Variants in PLA2G4E observed in about 807,000 individuals in gnomAD.
PLA2G4E encodes the protein cytosolic phospholipase A2 epsilon.
A neutral mutation model predicts 109.1 loss-of-function variants in PLA2G4E; 84 were observed. That is an observed-to-expected ratio of 0.77 (90% confidence interval 0.65 to 0.92). PLA2G4E has a LOEUF of 0.92. Ranked by LOEUF, PLA2G4E falls within the 40% of genes least tolerant of loss-of-function variation. The pLI is 0.00. For synonymous variants in PLA2G4E, 469 were observed against 436.1 expected (o/e 1.08, Z -0.94); for missense variants, 1,057 against 1,076.6 (o/e 0.98, Z 0.25).
intron 1 of PLA2G4E, among the ~76,000 whole-genome samples, chr15:42,024,229 C>T (rs575595311): frequency 2.0e-5 from 3 of 152,174 alleles, no homozygotes; most frequent in Non-Finnish European, 2.9e-5. Flanking sequence ...CGCCAGGGTG[C>T]GGGTGCCAAA....
intron 1 of PLA2G4E, among the ~76,000 whole-genome samples, chr15:42,020,468 C>A (rs2068637439): frequency 6.6e-6 from 1 of 152,218 alleles, no homozygotes. Context: ...ACTGTAAACC[C>A]AGGTGGGCAG....
intron 1 of PLA2G4E, among the ~76,000 whole-genome samples, chr15:42,048,950 C>G (rs1033587524): frequency 5.3e-5 from 8 of 152,226 alleles, no homozygotes; most frequent in African/African-American, 1.9e-4. Flanking sequence ...GCTGAAGATG[C>G]CAGGGCAGGC....
intron 16 of PLA2G4E, 144 bp from the exon 17 acceptor site, chr15:41,987,519 C>CTAACCCCAG: frequency 1.4e-6 from 1 of 722,714 alleles, no homozygotes; most frequent in Non-Finnish European, 2.3e-6. Context: ...TCTCAAGGTC[C>CTAACCCCAG]TGGCACTGGG....
intron 1 of PLA2G4E, among the ~76,000 whole-genome samples, chr15:42,041,469 A>G (rs1333359302): frequency 6.6e-6 from 1 of 152,188 alleles, no homozygotes; most frequent in Non-Finnish European, 1.5e-5. Flanking sequence ...ATAAATTTAC[A>G]TAGGAGCAGA....
intron 1 of PLA2G4E, among the ~76,000 whole-genome samples, chr15:42,049,935 C>T (rs1287158274): frequency 2.0e-5 from 3 of 152,198 alleles, no homozygotes; most frequent in Non-Finnish European, 4.4e-5. Context: ...TTCTGTAGCC[C>T]ACTCAATTTA....
intron 1 of PLA2G4E, among the ~76,000 whole-genome samples, chr15:42,019,579 G>A (rs1595571704): frequency 6.6e-6 from 1 of 152,188 alleles, no homozygotes; most frequent in Non-Finnish European, 1.5e-5. Context: ...AGAGAGCTGG[G>A]TGTACCCTTC....
intron 12 of PLA2G4E, among the ~76,000 whole-genome samples, 154 bp from the exon 13 acceptor site, chr15:41,993,113 C>G (rs576856411): frequency 6.6e-6 from 1 of 152,192 alleles, no homozygotes; most frequent in Non-Finnish European, 1.5e-5. Flanking sequence ...ACCTGGCAGA[C>G]AGTGAGGAGC....
chr15:42,013,900 T>G (rs1442900337), intron 1 of PLA2G4E, 143 bp from the exon 2 acceptor site: 7 of 624,364 alleles, frequency 1.1e-5, no homozygotes, highest in South Asian at 2.2e-5. Context: ...TTTTTTTTTT[T>G]TTTTTTTTTT....
At chr15:42,014,827 A>T (rs1378009812) in intron 1 of PLA2G4E, among the ~76,000 whole-genome samples, 2 of 152,038 alleles carry the variant, frequency 1.3e-5, no homozygotes, top group Admixed American at 1.3e-4. Flanking sequence ...CTCTTTCCTG[A>T]TGGCAAAAGC....
At chr15:42,005,880 A>G (rs7162042) in intron 4 of PLA2G4E, 110 bp downstream of exon 4, 258,269 of 1,321,440 alleles carry the variant, frequency 0.2, 31,486 homozygotes, top group East Asian at 0.52. Context: ...ATCTTTTCTC[A>G]ACTTGACTGT....
chr15:42,008,154 G>A (rs2068496349), intron 2 of PLA2G4E, among the ~76,000 whole-genome samples: 1 of 152,210 alleles, frequency 6.6e-6, no homozygotes, highest in Admixed American at 6.5e-5. Flanking sequence ...TGCTGGTTTG[G>A]GACAAGGTAT....
At chr15:41,999,469 G>T in intron 10 of PLA2G4E, 55 bp downstream of exon 10, 1 of 1,332,258 alleles carries the variant, frequency 7.5e-7, no homozygotes, top group Non-Finnish European at 1.1e-6. Context: ...AGATACCACT[G>T]CACACCCACT....
chr15:42,000,923 C>T (rs1209293511), intron 7 of PLA2G4E, among the ~76,000 whole-genome samples: 1 of 152,158 alleles, frequency 6.6e-6, no homozygotes, highest in Non-Finnish European at 1.5e-5. Context: ...GGACCCCAGA[C>T]CTGAGATACT....
At chr15:42,001,590 T>A (rs1420256586) in intron 6 of PLA2G4E, among the ~76,000 whole-genome samples, 1 of 152,212 alleles carries the variant, frequency 6.6e-6, no homozygotes, top group African/African-American at 2.4e-5. Flanking sequence ...ATCATACTCC[T>A]TTGCCACACA....
chr15:42,042,673 C>T (rs4924611), intron 1 of PLA2G4E, among the ~76,000 whole-genome samples: 11,430 of 150,878 alleles, frequency 0.076, 549 homozygotes, highest in Middle Eastern at 0.11. Context: ...TCAGGCAAAC[C>T]CACCCAGGGA....
chr15:42,026,840 G>T (rs2141068834), intron 1 of PLA2G4E, among the ~76,000 whole-genome samples: 1 of 152,180 alleles, frequency 6.6e-6, no homozygotes, highest in South Asian at 2.1e-4. Flanking sequence ...GGGCGTGGTG[G>T]TGGGTGCCTA....
At chr15:42,000,491 A>G (rs903074334) in intron 7 of PLA2G4E, among the ~76,000 whole-genome samples, 3 of 152,232 alleles carry the variant, frequency 2.0e-5, no homozygotes, top group Non-Finnish European at 4.4e-5. Context: ...ATGCAGACAA[A>G]CATAGTCCCC....
At chr15:42,029,472 C>T (rs1165222242) in intron 1 of PLA2G4E, among the ~76,000 whole-genome samples, 1 of 152,226 alleles carries the variant, frequency 6.6e-6, no homozygotes, top group Admixed American at 6.5e-5. Flanking sequence ...CCTCTGGTTT[C>T]AGCTAGATGC....
exon 12 of PLA2G4E, chr15:41,995,447 G>A: frequency 6.2e-7 from 1 of 1,614,018 alleles, no homozygotes; most frequent in Non-Finnish European, 8.5e-7. Flanking sequence ...ATACATGGAG[G>A]TCATGGATCT....
Sources: gnomAD v4.1 joint callset for allele counts (sites outside exome capture counted in the v4.1 genomes callset) on GRCh38, gnomAD v4.1.1 for gene constraint, MANE v1.5 for transcripts, NCBI Gene and HGNC (gene_info 2026-07-23, HGNC 2026-07-21) for gene names.